The following RPH3AL variants were observed in gnomAD, a reference collection of about 807,000 sequenced individuals.
RPH3AL encodes the protein rabphilin 3A like (without C2 domains), also known as rab effector Noc2.
RPH3AL carries 38 observed loss-of-function variants against 43.1 expected under a neutral mutation model. That is an observed-to-expected ratio of 0.88 (90% CI 0.68 to 1.15). The LOEUF is 1.15. Ranked by LOEUF, RPH3AL falls within the 50% of genes most tolerant of loss-of-function variation. The probability of loss-of-function intolerance (pLI) is 0.00; values close to 1 mark genes in which losing one functional copy is unlikely to be tolerated. For missense variants in RPH3AL, 462 were observed against 423.2 expected, an observed-to-expected ratio of 1.09 and a Z score of -0.81; for synonymous variants, 189 against 176.3, an observed-to-expected ratio of 1.07 and a Z score of -0.57.
chr17:266,476 G>A (rs568703317), intron 6 of RPH3AL, among the ~76,000 whole-genome samples: 5 of 152,320 alleles, frequency 3.3e-5, no homozygotes, highest in African/African-American at 1.2e-4. Flanking sequence ...CAGTTGGAGG[G>A]CCCCGCCCTC....
chr17:313,693 C>T (rs1339092417), intron 5 of RPH3AL, among the ~76,000 whole-genome samples: 3 of 152,208 alleles, frequency 2.0e-5, no homozygotes, highest in African/African-American at 7.2e-5. Flanking sequence ...AAAGTCATCT[C>T]CACAACAGGG....
chr17:237,104 G>C (rs560669279), intron 7 of RPH3AL, among the ~76,000 whole-genome samples: 12 of 152,370 alleles, frequency 7.9e-5, no homozygotes, highest in African/African-American at 2.9e-4. Context: ...GAGGGCGTGG[G>C]GTGGGGGCGG....
At chr17:262,596 G>A (rs1555546685) in intron 6 of RPH3AL, among the ~76,000 whole-genome samples, 2 of 152,190 alleles carry the variant, frequency 1.3e-5, no homozygotes, top group East Asian at 3.9e-4. Context: ...AGGCCGAGGT[G>A]GGAGGATCGC....
intron 6 of RPH3AL, among the ~76,000 whole-genome samples, chr17:275,319 G>C (rs1427181453): frequency 6.6e-6 from 1 of 151,594 alleles, no homozygotes; most frequent in Non-Finnish European, 1.5e-5. Context: ...TTTTTACAAT[G>C]GGATATAGAC....
chr17:337,244 G>A (rs1445830994), intron 1 of RPH3AL, among the ~76,000 whole-genome samples: 1 of 151,782 alleles, frequency 6.6e-6, no homozygotes, highest in Non-Finnish European at 1.5e-5. Context: ...CTCCCAAGTC[G>A]CTAGAACTAC....
intron 6 of RPH3AL, among the ~76,000 whole-genome samples, chr17:277,983 C>G (rs1035526782): frequency 1.3e-5 from 2 of 151,864 alleles, no homozygotes; most frequent in African/African-American, 4.8e-5. Context: ...AAAAAAACCC[C>G]GAAACCCTAA....
chr17:321,596 A>G (rs373594921), intron 3 of RPH3AL, 181 bp from the exon 4 acceptor site: 25 of 507,172 alleles, frequency 4.9e-5, no homozygotes, highest in South Asian at 2.2e-4. Context: ...CCAGGTGGCA[A>G]CAGAGACGGC....
chr17:268,557 T>TG lies in RPH3AL; in HGVS notation c.438+13210_438+13211insC, dbSNP rs2042377095. ...AGATTTTAAGTATGTTTTTGGGTTTTTTTTTTTTTTTTTTTTTTTTTGAGG... is the reference window on the plus strand; with the variant it reads ...AGATTTTAAGTATGTTTTTGGGTTTTGTTTTTTTTTTTTTTTTTTTTTGAGG... On this transcript the variant is annotated intron_variant, in intron 6 of 9. Coordinates refer to ENST00000331302, the MANE Select transcript of RPH3AL (RefSeq NM_006987.4). 3.1e-5 allele frequency among the ~76,000 whole-genome samples: 4 copies of TG among 127,020 alleles called. 1 individual carries two copies. The highest frequency in any genetic ancestry group is 6.7e-5 in the Non-Finnish European group (4 of 59,502). 83.3% of individuals were successfully genotyped at this position (127,020 alleles called of 152,430 possible). A position where few individuals can be genotyped will look rare whatever the true frequency, so the allele number is the denominator to read the frequency against.
intron 7 of RPH3AL, among the ~76,000 whole-genome samples, chr17:230,173 C>T (rs922700967): frequency 5.3e-5 from 8 of 152,138 alleles, no homozygotes; most frequent in African/African-American, 1.9e-4. Flanking sequence ...TGGAGGAGGG[C>T]GTCCTGCACT....
At chr17:236,864 G>A (rs115731908) in intron 7 of RPH3AL, among the ~76,000 whole-genome samples, 2,093 of 152,396 alleles carry the variant, frequency 0.014, 20 homozygotes, top group South Asian at 0.043. Flanking sequence ...CACGGGCGGG[G>A]CATGCGCTGG....
rs1339278485 is a variant in RPH3AL at position 327,539 on chromosome 17, G to A, written c.5C>T (p.Ala2Val). 6.2e-7 allele frequency: 1 copy of A among 1,613,730 alleles called. No homozygotes were observed. The highest frequency in any genetic ancestry group is 1.1e-5 in the South Asian group (1 of 91,080). Reference sequence around the variant, plus strand: ...ATTCCCGCTGCCGAAGATGGTGTCGGCCATGGCTCGGAGCACCCGGCTGGG... The same window carrying A: ...ATTCCCGCTGCCGAAGATGGTGTCGACCATGGCTCGGAGCACCCGGCTGGG... M[A>V]DTIFGSGNDQ... The change falls in exon 3 of 10, where the codon GCC becomes GTC. Residue 2 changes from alanine to valine, a missense_variant. By Grantham distance (64) the Ala-to-Val change is moderately conservative. Transcript: ENST00000331302.
intron 5 of RPH3AL, among the ~76,000 whole-genome samples, chr17:311,311 T>C (rs2043641001): frequency 1.3e-5 from 2 of 152,218 alleles, no homozygotes; most frequent in Admixed American, 6.5e-5. Flanking sequence ...CACACGCCTC[T>C]GTGCTCCCCA....
Position 310,818 on chromosome 17 carries a change from C to A in RPH3AL, c.351+8602G>T, listed in dbSNP as rs371998842. Reference sequence around the variant, plus strand: ...ATGGCATCGTCTCTCCTCCCAGACACGAGAGAGCCCTGCAGGGGCAAGGGC... The same window carrying A: ...ATGGCATCGTCTCTCCTCCCAGACAAGAGAGAGCCCTGCAGGGGCAAGGGC... On this transcript the variant is annotated intron_variant, in intron 5 of 9. Transcript: ENST00000331302. Among the ~76,000 whole-genome samples, 4 of 152,314 alleles carry A rather than the reference C, an allele frequency of 2.6e-5. 1 individual carries two copies. In the South Asian group the frequency reaches 6.2e-4, roughly 24 times the overall value.
intron 6 of RPH3AL, among the ~76,000 whole-genome samples, chr17:249,140 G>A (rs1293180028): frequency 6.6e-6 from 1 of 152,144 alleles, no homozygotes. Context: ...ATACTGTATA[G>A]CCTCTTTTCT....
At chr17:349,727 T>C (rs370557756) in intron 1 of RPH3AL, among the ~76,000 whole-genome samples, 6 of 152,350 alleles carry the variant, frequency 3.9e-5, no homozygotes, top group African/African-American at 1.2e-4. Context: ...AAAATAATGC[T>C]TCTCCTCCAC....
At chr17:306,431 G>A (rs62053681) in intron 5 of RPH3AL, 15,056 of 152,096 alleles carry the variant, frequency 0.099, 905 homozygotes, top group Middle Eastern at 0.19. Context: ...CCTCGCCTCC[G>A]TTTCTTCACC....
chr17:256,323 G>A (rs2042051762), intron 6 of RPH3AL, among the ~76,000 whole-genome samples: 1 of 21,446 alleles, frequency 4.7e-5, no homozygotes, highest in African/African-American at 9.8e-5. Context: ...GAGGGGAGCC[G>A]CACGGCGTCT....
At chr17:275,817 G>C (rs1172404739) in intron 6 of RPH3AL, among the ~76,000 whole-genome samples, 3 of 152,204 alleles carry the variant, frequency 2.0e-5, no homozygotes, top group Non-Finnish European at 4.4e-5. Flanking sequence ...AAAGTGCTGG[G>C]ATTACAGGTG....
Position 346,055 on chromosome 17 carries a change from A to C in RPH3AL, c.-213+6657T>G, listed in dbSNP as rs889726534. On this transcript the variant is annotated intron_variant, in intron 1 of 9. Coordinates refer to ENST00000331302, the MANE Select transcript of RPH3AL (RefSeq NM_006987.4). The stretch of plus-strand genomic sequence containing the variant: ...TTACCATTTGCAAGGTTTAGTTCCA[A>C]GTGCTTATGGAATCATCTCCTTTAT... 2.2e-5 allele frequency among the ~76,000 whole-genome samples: 3 copies of C among 135,352 alleles called. 1 individual carries two copies. The highest frequency in any genetic ancestry group is 2.4e-4 in the East Asian group (1 of 4,238). The allele number at this position is 135,352 out of a possible 152,430, so 88.8% of individuals were successfully genotyped here.
Sources: allele counts gnomAD v4.1 joint callset (sites outside exome capture counted in the v4.1 genomes callset), GRCh38; gene constraint gnomAD v4.1.1; transcripts MANE v1.5; gene names NCBI Gene and HGNC (gene_info 2026-07-23, HGNC 2026-07-21).